The following SLC10A7 variants were observed in gnomAD, a reference collection of about 807,000 sequenced individuals.
SLC10A7 encodes sodium/bile acid cotransporter 7.
Under a neutral mutation model 43.2 loss-of-function variants are expected in SLC10A7, and 29 were observed. The observed-to-expected ratio is 0.67, with a 90% confidence interval of 0.50 to 0.92. The LOEUF is 0.92. Among genes scored for constraint, SLC10A7 ranks in the 40% least tolerant of loss-of-function variants. The probability of loss-of-function intolerance (pLI) is 0.00; values close to 1 mark genes in which losing one functional copy is unlikely to be tolerated. For missense variants in SLC10A7, 295 were observed against 403.2 expected, an observed-to-expected ratio of 0.73 and a Z score of 2.30; for synonymous variants, 152 against 144.8, an observed-to-expected ratio of 1.05 and a Z score of -0.35.
chr4:146,316,432 A>C (rs1350099146), intron 6 of SLC10A7, among the ~76,000 whole-genome samples: 1 of 152,084 alleles, frequency 6.6e-6, no homozygotes, highest in Non-Finnish European at 1.5e-5. Context: ...CTCTTATAAA[A>C]GAGGCCCTAG....
chr4:146,258,764 G>A lies in SLC10A7; in HGVS notation c.921C>T (p.Tyr307=). The A allele has an allele frequency of 6.2e-7, 1 of 1,611,270 alleles. No individual in the cohort carries two copies. The highest frequency in any genetic ancestry group is 8.5e-7 in the Non-Finnish European group (1 of 1,179,444). Residue 307 remains tyrosine (Y), a synonymous_variant, in exon 11 of 12, where the codon TAC becomes TAT. Coordinates refer to ENST00000335472, the MANE Select transcript of SLC10A7 (RefSeq NM_001029998.6). ...TTCCCAGAAGGATCTGAGCTGGGTG[G>A]TAGATGAGCAAGGGTACAGATATTA... ...LSLISVPLLI[Y]HPAQILLGSV... is the part of the protein sequence containing the mutation.
intron 5 of SLC10A7, among the ~76,000 whole-genome samples, chr4:146,405,548 A>G (rs1397940310): frequency 1.3e-5 from 2 of 152,204 alleles, no homozygotes; most frequent in African/African-American, 4.8e-5. Context: ...TGAAGAAAAA[A>G]TTATTTAAAC....
intron 1 of SLC10A7, among the ~76,000 whole-genome samples, chr4:146,520,070 A>G (rs1461353714): frequency 6.6e-6 from 1 of 152,220 alleles, no homozygotes; most frequent in South Asian, 2.1e-4. Context: ...TTCCCACAGA[A>G]TATTTAGGAA....
chr4:146,383,497 T>A (rs1219969683), intron 5 of SLC10A7, among the ~76,000 whole-genome samples: 3 of 152,184 alleles, frequency 2.0e-5, no homozygotes, highest in Non-Finnish European at 4.4e-5. Flanking sequence ...CTCTAGACGA[T>A]ATTTAAGCCC....
At chr4:146,390,398 G>GCGGT (rs1312558596) in intron 5 of SLC10A7, among the ~76,000 whole-genome samples, 1 of 152,180 alleles carries the variant, frequency 6.6e-6, no homozygotes, top group Non-Finnish European at 1.5e-5. Flanking sequence ...GGAGGCCAAG[G>GCGGT]CGGTCAGACT....
At chr4:146,412,155 C>CAA (rs11393091) in intron 5 of SLC10A7, among the ~76,000 whole-genome samples, 3,873 of 150,984 alleles carry the variant, frequency 0.026, 77 homozygotes, top group Non-Finnish European at 0.04. Context: ...TCCATCTAGC[C>CAA]AAAAAAAAAT....
intron 4 of SLC10A7, among the ~76,000 whole-genome samples, chr4:146,482,465 A>G (rs1656165522): frequency 6.6e-6 from 1 of 152,154 alleles, no homozygotes; most frequent in African/African-American, 2.4e-5. Context: ...GAAGACTTCA[A>G]TCAATAAAAT....
intron 6 of SLC10A7, among the ~76,000 whole-genome samples, chr4:146,321,643 C>T (rs1168637386): frequency 1.3e-5 from 2 of 151,964 alleles, no homozygotes; most frequent in African/African-American, 4.8e-5. Context: ...CTGTATGTTG[C>T]CCAGGAAGGT....
At chr4:146,520,092 A>C (rs538096562) in intron 1 of SLC10A7, among the ~76,000 whole-genome samples, 1 of 152,372 alleles carries the variant, frequency 6.6e-6, no homozygotes, top group South Asian at 2.1e-4. Context: ...GCAAGGTAAA[A>C]GATATTTTGC....
intron 6 of SLC10A7, among the ~76,000 whole-genome samples, chr4:146,323,911 T>C (rs566423567): frequency 5.3e-5 from 8 of 152,308 alleles, no homozygotes; most frequent in Non-Finnish European, 1.2e-4. Context: ...CATGATTGTA[T>C]ATCTAGAAAA....
intron 1 of SLC10A7, among the ~76,000 whole-genome samples, chr4:146,518,993 A>G (rs1489603581): frequency 6.8e-6 from 1 of 146,244 alleles, no homozygotes; most frequent in Non-Finnish European, 1.5e-5. Flanking sequence ...GACAACAATC[A>G]CGGCTCCTCC....
At chr4:146,376,896 A>G (rs1342872532) in intron 5 of SLC10A7, among the ~76,000 whole-genome samples, 1 of 152,188 alleles carries the variant, frequency 6.6e-6, no homozygotes, top group East Asian at 1.9e-4. Flanking sequence ...TTGGCTAGCA[A>G]CTTAGAAATG....
At chr4:146,303,977 T>C (rs1309854859) in intron 7 of SLC10A7, among the ~76,000 whole-genome samples, 1 of 151,704 alleles carries the variant, frequency 6.6e-6, no homozygotes, top group African/African-American at 2.4e-5. Flanking sequence ...ATCTAGTTGC[T>C]CTTAATGTAC....
chr4:146,466,236 A>C (rs1429598869), intron 4 of SLC10A7, among the ~76,000 whole-genome samples: 1 of 152,228 alleles, frequency 6.6e-6, no homozygotes, highest in Admixed American at 6.5e-5. Flanking sequence ...ATTATCTGAA[A>C]TGCAAATTGG....
chr4:146,385,995 TA>T (rs1579054556), intron 5 of SLC10A7, among the ~76,000 whole-genome samples: 1 of 152,350 alleles, frequency 6.6e-6, no homozygotes, highest in East Asian at 1.9e-4. Context: ...ATGGGGTACC[TA>T]AGTTGATTCC....
chr4:146,459,476 T>C (rs556620380), intron 4 of SLC10A7, among the ~76,000 whole-genome samples: 1 of 151,878 alleles, frequency 6.6e-6, no homozygotes, highest in African/African-American at 2.4e-5. Flanking sequence ...AGGACAGATA[T>C]ACGGATCAAC....
chr4:146,437,486 G>A (rs1730298929), intron 5 of SLC10A7, among the ~76,000 whole-genome samples: 2 of 151,988 alleles, frequency 1.3e-5, no homozygotes, highest in Non-Finnish European at 2.9e-5. Flanking sequence ...GTTTGTTCTG[G>A]CATTTAAGTT....
At chr4:146,484,505 A>C (rs891582331) in intron 4 of SLC10A7, among the ~76,000 whole-genome samples, 1 of 152,222 alleles carries the variant, frequency 6.6e-6, no homozygotes, top group African/African-American at 2.4e-5. Flanking sequence ...TTTTTTAAAA[A>C]GTCAAACATA....
At chr4:146,398,984 G>A (rs1739030727) in intron 5 of SLC10A7, among the ~76,000 whole-genome samples, 1 of 152,220 alleles carries the variant, frequency 6.6e-6, no homozygotes, top group African/African-American at 2.4e-5. Flanking sequence ...AGGCAATGGG[G>A]AAATTAACAA....
Sources: gnomAD v4.1 joint callset for allele counts (sites outside exome capture counted in the v4.1 genomes callset) on GRCh38, gnomAD v4.1.1 for gene constraint, MANE v1.5 for transcripts, NCBI Gene and HGNC (gene_info 2026-07-23, HGNC 2026-07-21) for gene names.